Variants in RTP4 observed in about 807,000 individuals in gnomAD.
RTP4 encodes the protein receptor-transporting protein 4.
Under a neutral mutation model 6.5 loss-of-function variants are expected in RTP4, and 5 were observed. That is an observed-to-expected ratio of 0.77 (90% confidence interval 0.40 to 1.62). RTP4 has a LOEUF of 1.62. Ranked by LOEUF, RTP4 falls within the 40% of genes most tolerant of loss-of-function variation. The pLI, the probability that RTP4 is intolerant of heterozygous loss-of-function variation, is 0.02. For synonymous variants in RTP4, 112 were observed against 114.8 expected (o/e 0.98, Z 0.15); for missense variants, 266 against 288.7 (o/e 0.92, Z 0.57).
intron 1 of RTP4, 68 bp from the exon 2 acceptor site, chr3:187,370,720 C>T (rs1711588262): frequency 8.7e-7 from 1 of 1,154,612 alleles, no homozygotes; most frequent in Non-Finnish European, 1.3e-6. Context: ...GTGACAGGGG[C>T]CAAGACCATT....
chr3:187,371,493 A>G lies in RTP4; in HGVS notation c.*120A>G. 1 of 698,278 alleles carries G rather than the reference A, an allele frequency of 1.4e-6. No homozygotes were observed. The highest frequency in any genetic ancestry group is 2.4e-6 in the Non-Finnish European group (1 of 425,428). 43.3% of individuals were successfully genotyped at this position (698,278 alleles called of 1,614,324 possible). On this transcript the variant is annotated 3_prime_UTR_variant, in exon 2 of 2. Transcript: ENST00000259030. ...AAGCAGGATCAAGTTTGTAGAATAA[A>G]CACTGGTTTCCTAGCCATCCTCTGA...
Position 187,371,397 on chromosome 3 carries a change from CTTATT to C in RTP4, c.*28_*32del, listed in dbSNP as rs1711613609. 2.0e-6 allele frequency: 3 copies of C among 1,528,392 alleles called. No individual in the cohort carries two copies. The highest frequency in any genetic ancestry group is 1.2e-5 in the South Asian group (1 of 85,668). The allele number at this position is 1,528,392 out of a possible 1,614,324, so 94.7% of individuals were successfully genotyped here. A position where few individuals can be genotyped will look rare whatever the true frequency, so the allele number is the denominator to read the frequency against. On this transcript the variant is annotated 3_prime_UTR_variant, in exon 2 of 2. Transcript: ENST00000259030. ...GATGAAAATAGGCTTGCCACTTTCT[CTTATT>C]TTAATTCCATGGTAGTCAATGAACT...
rs373024040 is a variant in RTP4 at position 187,370,766 on chromosome 3, G to A, written c.156-22G>A. The A allele has an allele frequency of 3.2e-6, 5 of 1,585,562 alleles. No individual in the cohort carries two copies. In the African/African-American group the frequency reaches 5.4e-5, roughly 17 times the overall value. The stretch of plus-strand genomic sequence containing the variant: ...TTAACAACCAGATGAAGGCATAATG[G>A]GTGTCTTCCTTCTGACTGCAGGTTC... On this transcript the variant is annotated intron_variant, in intron 1 of 1. Transcript: ENST00000259030.
chr3:187,371,982 A>C lies in RTP4; in HGVS notation c.*609A>C, dbSNP rs1711625837. Reference sequence around the variant, plus strand: ...TCCCCTGGAGTCTGCAGAAGGAACCAGCCCTGCCTGCACATGGCTTTAGCC... The same window carrying C: ...TCCCCTGGAGTCTGCAGAAGGAACCCGCCCTGCCTGCACATGGCTTTAGCC... On this transcript the variant is annotated 3_prime_UTR_variant, in exon 2 of 2. Transcript: ENST00000259030. 6.6e-6 allele frequency: 1 copy of C among 152,470 alleles called. No individual in the cohort carries two copies. 9.4% of individuals were successfully genotyped at this position (152,470 alleles called of 1,614,324 possible). A position where few individuals can be genotyped will look rare whatever the true frequency, so the allele number is the denominator to read the frequency against.
intron 1 of RTP4, among the ~76,000 whole-genome samples, 186 bp from the exon 2 acceptor site, chr3:187,370,602 A>C (rs918771516): frequency 6.6e-6 from 1 of 152,224 alleles, no homozygotes; most frequent in Non-Finnish European, 1.5e-5. Context: ...GATACTCAGT[A>C]GGTCACAGGA....
chr3:187,371,165 T>C lies in RTP4; in HGVS notation c.533T>C (p.Leu178Pro), dbSNP rs780808707. 5 of 1,613,662 alleles carry C rather than the reference T, an allele frequency of 3.1e-6. No homozygotes were observed. In the African/African-American group the frequency reaches 6.7e-5, roughly 22 times the overall value. Residue 178 changes from leucine to proline, a missense_variant, in exon 2 of 2, where the codon CTC (leucine) becomes CCC (proline). By Grantham distance (98) the Leu-to-Pro change is moderately conservative. Transcript: ENST00000259030. ...ATGACAAAGCCGTCCAAATCCCTAC[T>C]CCCCCACCTAAAGACTGGGAATTCC... Reference protein sequence around the residue: ...SCMTKPSKSLLPHLKTGNSSP... With the variant: ...SCMTKPSKSLPPHLKTGNSSP...
intron 1 of RTP4, 91 bp from the exon 2 acceptor site, chr3:187,370,697 G>T (rs1411804885): frequency 9.8e-6 from 8 of 815,390 alleles, no homozygotes; most frequent in Non-Finnish European, 1.6e-5. Flanking sequence ...TTTTCAAATG[G>T]AAAAGGATGT....
rs1711591692 is a variant in RTP4, at chr3:187,370,775, C to T, written c.156-13C>T. On this transcript the variant is annotated splice_polypyrimidine_tract_variant and intron_variant, in intron 1 of 1. Coordinates refer to ENST00000259030, the MANE Select transcript of RTP4 (RefSeq NM_022147.3). ...AGATGAAGGCATAATGGGTGTCTTC[C>T]TTCTGACTGCAGGTTCCGGTGTTCC... The T allele has an allele frequency of 6.2e-7, 1 of 1,605,680 alleles. No individual in the cohort carries two copies. The highest frequency in any genetic ancestry group is 8.5e-7 in the Non-Finnish European group (1 of 1,173,824).
chr3:187,368,658 A>C (rs1711543579), intron 1 of RTP4, 62 bp downstream of exon 1: 1 of 1,472,608 alleles, frequency 6.8e-7, no homozygotes. Context: ...TCAGCTTAGC[A>C]TGATTTATTC....
chr3:187,368,547 G>C lies in RTP4; in HGVS notation c.106G>C (p.Asp36His), dbSNP rs1395962393. The change falls in exon 1 of 2, where the codon GAC (aspartate) becomes CAC (histidine). Residue 36 changes from aspartate (D) to histidine (H), a missense_variant. Coordinates refer to ENST00000259030, the MANE Select transcript of RTP4 (RefSeq NM_022147.3). ...GAAGTTGGATGGCAACCTTCAGCTA[G>C]ACTGCCTGGCTCAAGGGTGGAAGCA... ...TLKLDGNLQLDCLAQGWKQYQ... is the reference protein window; with the variant it reads ...TLKLDGNLQLHCLAQGWKQYQ... 4 of 1,614,148 alleles carry C rather than the reference G, an allele frequency of 2.5e-6. No homozygotes were observed. The highest frequency in any genetic ancestry group is 4.5e-5 in the East Asian group (2 of 44,876).
rs928085942 is a variant in RTP4, at chr3:187,371,307, A to C, written c.675A>C (p.Pro225=). The C allele has an allele frequency of 6.2e-7, 1 of 1,604,618 alleles. No homozygotes were observed. Among genetic ancestry groups the C allele is most frequent in the African/African-American group, 1.3e-5 (1 of 75,044 alleles). ...EKLGPSRDPD[P]LNICVFILLL... ...TAGGGCCCAGTCGAGACCCAGATCC[A>C]CTGAACATCTGTGTCTTTATTTTGC... The change falls in exon 2 of 2, where the codon CCA becomes CCC. Residue 225 remains proline, a synonymous_variant. Coordinates refer to ENST00000259030, the MANE Select transcript of RTP4 (RefSeq NM_022147.3).
chr3:187,371,155 A>C lies in RTP4; in HGVS notation c.523A>C (p.Lys175Gln). The C allele has an allele frequency of 6.2e-7, 1 of 1,614,176 alleles. No individual in the cohort carries two copies. Among genetic ancestry groups the C allele is most frequent in the Non-Finnish European group, 8.5e-7 (1 of 1,180,038 alleles). Residue 175 changes from lysine (K) to glutamine (Q), a missense_variant, in exon 2 of 2, where the codon AAA (lysine) becomes CAA (glutamine). By Grantham distance (53) the Lys-to-Gln change is moderately conservative. Transcript: ENST00000259030. ...AAAAAGCTGCATGACAAAGCCGTCC[A>C]AATCCCTACTCCCCCACCTAAAGAC... Reference protein sequence around the residue: ...GLKSCMTKPSKSLLPHLKTGN... With the variant: ...GLKSCMTKPSQSLLPHLKTGN...
At position 187,371,052 on chromosome 3, in the gene RTP4, C is replaced by T. The variant is rs1352351983; in HGVS notation, c.420C>T (p.Ile140=). Reference sequence around the variant, plus strand: ...GGAAGTCTCCAGAAATGCCAGTAATCCTGGAAGTGTCCCTGGAAGGATCCC... The same window carrying T: ...GGAAGTCTCCAGAAATGCCAGTAATTCTGGAAGTGTCCCTGGAAGGATCCC... ...GTRKSPEMPV[I]LEVSLEGSHD... Residue 140 remains isoleucine (I), a synonymous_variant, in exon 2 of 2, where the codon ATC becomes ATT. Transcript: ENST00000259030. 6 of 1,614,206 alleles carry T rather than the reference C, an allele frequency of 3.7e-6. No homozygotes were observed. The highest frequency in any genetic ancestry group is 5.1e-6 in the Non-Finnish European group (6 of 1,180,040).
rs190805847 is a variant in RTP4 at position 187,370,059 on chromosome 3, C to T, written c.156-729C>T. On this transcript the variant is annotated intron_variant, in intron 1 of 1. Coordinates refer to ENST00000259030, the MANE Select transcript of RTP4 (RefSeq NM_022147.3). ...GTAGTTTACAAAGTGTTTTCACATACATCGTCTCTTTTGATGCTGCCAATA... is the reference window on the plus strand; with the variant it reads ...GTAGTTTACAAAGTGTTTTCACATATATCGTCTCTTTTGATGCTGCCAATA... 4.6e-5 allele frequency among the ~76,000 whole-genome samples: 7 copies of T among 152,342 alleles called. No homozygotes were observed. In the East Asian group the frequency reaches 1.3e-3, roughly 29 times the overall value.
chr3:187,370,822 TC>T lies in RTP4; in HGVS notation c.192del (p.Ala65ProfsTer22). On this transcript the variant is annotated frameshift_variant, in exon 2 of 2. Coordinates refer to ENST00000259030, the MANE Select transcript of RTP4 (RefSeq NM_022147.3). LOFTEE classifies it low-confidence loss of function (END_TRUNC). Reference sequence around the variant, plus strand: ...TTCCTCCTGCCAGCGAAGTTGGGCTTCCGCCCAAGTGCAGATTCTGTGCCAC... The same window carrying T: ...TTCCTCCTGCCAGCGAAGTTGGGCTTCGCCCAAGTGCAGATTCTGTGCCAC... ...RCSSCQRSWA[S>X]AQVQILCHTY... 6.2e-7 allele frequency: 1 copy of T among 1,613,548 alleles called. No homozygotes were observed.
Position 187,370,844 on chromosome 3 carries a change from G to GC in RTP4, c.214dup (p.His72ProfsTer31). The GC allele has an allele frequency of 6.2e-7, 1 of 1,614,102 alleles. No individual in the cohort carries two copies. Among genetic ancestry groups the GC allele is most frequent in the Non-Finnish European group, 8.5e-7 (1 of 1,180,034 alleles). On this transcript the variant is annotated frameshift_variant, in exon 2 of 2. Transcript: ENST00000259030. LOFTEE classifies it low-confidence loss of function (END_TRUNC). ...GCTTCCGCCCAAGTGCAGATTCTGT[G>GC]CCACACGTACTGGGAGCACTGGACA...
chr3:187,370,583 A>G (rs999685283), intron 1 of RTP4, among the ~76,000 whole-genome samples: 2 of 152,214 alleles, frequency 1.3e-5, no homozygotes, highest in Admixed American at 6.5e-5. Flanking sequence ...TGGGTGTAAC[A>G]TATGGGTGGA....
chr3:187,370,882 G>A lies in RTP4; in HGVS notation c.250G>A (p.Val84Met). Reference protein sequence around the residue: ...YWEHWTSQGQVRMRLFGQRCQ... With the variant: ...YWEHWTSQGQMRMRLFGQRCQ... ...GGAGCACTGGACATCCCAGGGTCAG[G>A]TGCGTATGAGGCTCTTTGGCCAAAG... The change falls in exon 2 of 2, where the codon GTG becomes ATG. Residue 84 changes from valine (V) to methionine (M), a missense_variant. By Grantham distance (21) the Val-to-Met change is conservative. Transcript: ENST00000259030. The A allele has an allele frequency of 3.1e-6, 5 of 1,614,126 alleles. No homozygotes were observed. The highest frequency in any genetic ancestry group is 2.2e-5 in the South Asian group (2 of 91,082).
In RTP4 at chr3:187,370,958, A is replaced by G. The variant is rs2108649834; in HGVS notation, c.326A>G (p.Asp109Gly). 2 of 1,614,208 alleles carry G rather than the reference A, an allele frequency of 1.2e-6. No individual in the cohort carries two copies. Among genetic ancestry groups the G allele is most frequent in the South Asian group, 1.1e-5 (1 of 91,080 alleles). ...SQYEMPEFSS[D>G]STMRILSNLV... The stretch of plus-strand genomic sequence containing the variant: ...TATGAGATGCCTGAGTTCTCCTCGG[A>G]TAGCACCATGAGGATTCTGAGCAAC... Residue 109 changes from aspartate to glycine, a missense_variant, in exon 2 of 2, where the codon GAT becomes GGT. By Grantham distance (94) the Asp-to-Gly change is moderately conservative. Transcript: ENST00000259030.
Sources: gnomAD v4.1 joint callset for allele counts (sites outside exome capture counted in the v4.1 genomes callset) on GRCh38, gnomAD v4.1.1 for gene constraint, MANE v1.5 for transcripts, NCBI Gene and HGNC (gene_info 2026-07-23, HGNC 2026-07-21) for gene names.